Variants in SLC35F4 observed in about 807,000 individuals in gnomAD.
SLC35F4 encodes the protein chromosome 14 open reading frame 36.
SLC35F4 carries 24 observed loss-of-function variants against 44.2 expected under a neutral mutation model. That is an observed-to-expected ratio of 0.54 (90% CI 0.39 to 0.76). The LOEUF (loss-of-function observed/expected upper bound fraction) is 0.76. Among genes scored for constraint, SLC35F4 ranks in the 30% least tolerant of loss-of-function variants. The pLI, the probability that SLC35F4 is intolerant of heterozygous loss-of-function variation, is 0.00. For missense variants in SLC35F4, 562 were observed against 586.1 expected, an observed-to-expected ratio of 0.96 and a Z score of 0.42; for synonymous variants, 238 against 223.6, an observed-to-expected ratio of 1.06 and a Z score of -0.57.
At chr14:57,813,569 AG>A (rs1301369610) in intron 1 of SLC35F4, among the ~76,000 whole-genome samples, 1 of 152,198 alleles carries the variant, frequency 6.6e-6, no homozygotes, top group Non-Finnish European at 1.5e-5. Flanking sequence ...AATAAAAAAA[AG>A]TATTTTAATA....
intron 1 of SLC35F4, among the ~76,000 whole-genome samples, chr14:57,925,531 GAGGGAGGGAGGGAGGAAGGA>G (rs1431123881): frequency 2.5e-4 from 18 of 72,390 alleles, no homozygotes; most frequent in African/African-American, 9.4e-4. Context: ...GGGAGGGAGG[GAGGGAGGGAGGGAGGAAGGA>G]AGGAAGGAAG....
chr14:57,589,578 A>G, intron 2 of SLC35F4, 65 bp from the exon 3 acceptor site: 1 of 1,446,498 alleles, frequency 6.9e-7, no homozygotes. Flanking sequence ...CAAATATATC[A>G]GCTCCTTAAA....
intron 1 of SLC35F4, among the ~76,000 whole-genome samples, chr14:57,779,736 G>T (rs1159871339): frequency 6.6e-6 from 1 of 152,130 alleles, no homozygotes; most frequent in Non-Finnish European, 1.5e-5. Context: ...AATCCACCAT[G>T]ATCAAGTAGG....
chr14:57,870,529 T>C (rs1888276054), upstream of SLC35F4, among the ~76,000 whole-genome samples: 1 of 152,336 alleles, frequency 6.6e-6, no homozygotes. Context: ...GTGACTGGCA[T>C]ATAGTAAGCA....
At chr14:57,896,182 C>T (rs1484777391) in intron 1 of SLC35F4, among the ~76,000 whole-genome samples, 1 of 151,928 alleles carries the variant, frequency 6.6e-6, no homozygotes, top group Non-Finnish European at 1.5e-5. Context: ...GCCAGTAGGC[C>T]AATTAAGGAG....
intron 1 of SLC35F4, among the ~76,000 whole-genome samples, chr14:57,640,665 TG>T (rs1480664788): frequency 6.6e-6 from 1 of 152,020 alleles, no homozygotes; most frequent in East Asian, 1.9e-4. Flanking sequence ...GTAAAATAAC[TG>T]AGGTTATACA....
At chr14:57,943,056 T>G (rs922273088) in intron 1 of SLC35F4, among the ~76,000 whole-genome samples, 13 of 152,196 alleles carry the variant, frequency 8.5e-5, no homozygotes, top group Non-Finnish European at 1.2e-4. Context: ...TCTTTGTTCC[T>G]CATAACACTA....
chr14:57,811,570 T>C (rs921326322), intron 1 of SLC35F4, among the ~76,000 whole-genome samples: 1 of 152,146 alleles, frequency 6.6e-6, no homozygotes. Context: ...TTCATAGCTG[T>C]TTTCTTTGTT....
At chr14:57,801,945 T>A (rs1203700320) in intron 1 of SLC35F4, among the ~76,000 whole-genome samples, 4 of 152,046 alleles carry the variant, frequency 2.6e-5, no homozygotes, top group African/African-American at 9.7e-5. Flanking sequence ...AACAAAAATA[T>A]CCAGGACCTA....
rs149314027 is a variant in SLC35F4, at chr14:57,886,209, T to C, written n.282+95704A>G. Reference sequence around the variant, plus strand: ...CTGCATAATAAGTTACCATAAGCATTGTAGCTTAAAACAACATGCATTATT... The same window carrying C: ...CTGCATAATAAGTTACCATAAGCATCGTAGCTTAAAACAACATGCATTATT... On this transcript the variant is annotated intron_variant and non_coding_transcript_variant, in intron 1 of 1. Coordinates refer to the SLC35F4 transcript ENST00000556568. 5.1e-3 allele frequency among the ~76,000 whole-genome samples: 780 copies of C among 152,294 alleles called. 2 individuals are homozygous for C. The highest frequency in any genetic ancestry group is 0.017 in the African/African-American group (721 of 41,566).
At chr14:57,744,621 G>C (rs1594942536) in intron 1 of SLC35F4, among the ~76,000 whole-genome samples, 1 of 152,142 alleles carries the variant, frequency 6.6e-6, no homozygotes, top group Admixed American at 6.5e-5. Flanking sequence ...TGGATAGGAA[G>C]AATCAATATC....
chr14:57,680,722 A>G (rs1209000175), intron 1 of SLC35F4, among the ~76,000 whole-genome samples: 2 of 152,132 alleles, frequency 1.3e-5, no homozygotes, highest in Admixed American at 6.5e-5. Flanking sequence ...CTATACTCCA[A>G]TAATAGACAA....
chr14:57,640,363 A>G (rs1335073606), intron 1 of SLC35F4, among the ~76,000 whole-genome samples: 2 of 152,088 alleles, frequency 1.3e-5, no homozygotes, highest in African/African-American at 4.8e-5. Context: ...ATTCCTTTAG[A>G]CTTTAGAAAG....
chr14:57,595,775 T>A (rs2070453084), intron 1 of SLC35F4: 1 of 152,190 alleles, frequency 6.6e-6, no homozygotes, highest in Admixed American at 6.5e-5. Flanking sequence ...AGCTCTTCCT[T>A]ACTTTCTGGC....
At chr14:57,707,582 T>A (rs1367385778) in intron 1 of SLC35F4, among the ~76,000 whole-genome samples, 1 of 152,178 alleles carries the variant, frequency 6.6e-6, no homozygotes, top group Non-Finnish European at 1.5e-5. Context: ...TTACCCAGTC[T>A]TGGGTATTTC....
intron 1 of SLC35F4, among the ~76,000 whole-genome samples, chr14:57,637,961 A>C (rs535502552): frequency 3.9e-5 from 6 of 152,238 alleles, no homozygotes; most frequent in South Asian, 2.1e-4. Flanking sequence ...AATAAAGATC[A>C]TAAGACTGAT....
At chr14:57,685,205 A>G (rs1284522658) in intron 1 of SLC35F4, among the ~76,000 whole-genome samples, 1 of 152,132 alleles carries the variant, frequency 6.6e-6, no homozygotes, top group South Asian at 2.1e-4. Flanking sequence ...TGTGAATCAG[A>G]CCTTTAGGCC....
In SLC35F4 at chr14:57,569,887, A is replaced by C; in HGVS notation, c.1027T>G (p.Phe343Val). 6.2e-7 allele frequency: 1 copy of C among 1,612,668 alleles called. No individual in the cohort carries two copies. The highest frequency in any genetic ancestry group is 8.5e-7 in the Non-Finnish European group (1 of 1,179,406). ...LGFFNLIFISFTPVILYFTKV... is the reference protein window; with the variant it reads ...LGFFNLIFISVTPVILYFTKV... ...GTGAAATACAAGATGACTGGGGTGA[A>C]GGAGATGAAGATCAAATTGAAGAAA... The change falls in exon 6 of 8, where the codon TTC (phenylalanine) becomes GTC (valine). Residue 343 changes from phenylalanine to valine, a missense_variant. By Grantham distance (50) the Phe-to-Val change is conservative. Coordinates refer to ENST00000556826, the MANE Select transcript of SLC35F4 (RefSeq NM_001306087.2).
At chr14:57,724,443 T>G (rs1041359794) in intron 1 of SLC35F4, among the ~76,000 whole-genome samples, 1 of 152,178 alleles carries the variant, frequency 6.6e-6, no homozygotes, top group African/African-American at 2.4e-5. Flanking sequence ...TATGGGTCAT[T>G]AAGTCACCAT....
Sources: allele counts gnomAD v4.1 joint callset (sites outside exome capture counted in the v4.1 genomes callset), GRCh38; gene constraint gnomAD v4.1.1; transcripts MANE v1.5; gene names NCBI Gene and HGNC (gene_info 2026-07-23, HGNC 2026-07-21).